The following PPP2R5E variants were observed in gnomAD, a reference collection of about 807,000 sequenced individuals.
The protein encoded by PPP2R5E is protein phosphatase 2 regulatory subunit B'epsilon.
Under a neutral mutation model 65.3 loss-of-function variants are expected in PPP2R5E, and 4 were observed. The ratio of observed to expected loss-of-function variants is 0.06; its 90% confidence interval spans 0.03 to 0.14. The LOEUF is 0.14. PPP2R5E is among the 10% of genes least tolerant of loss of function. The pLI is 1.00. For synonymous variants in PPP2R5E, 183 were observed against 187.4 expected (o/e 0.98, Z 0.19); for missense variants, 274 against 556.1 (o/e 0.49, Z 5.10).
chr14:63,542,257 A>G (rs144225825), intron 1 of PPP2R5E, among the ~76,000 whole-genome samples: 72 of 152,328 alleles, frequency 4.7e-4, no homozygotes, highest in Non-Finnish European at 8.5e-4. Context: ...TGCAAAGCCC[A>G]GGGAAACAGG....
intron 3 of PPP2R5E, among the ~76,000 whole-genome samples, chr14:63,435,345 G>C (rs2139413040): frequency 1.3e-5 from 2 of 152,086 alleles, no homozygotes; most frequent in South Asian, 4.2e-4. Flanking sequence ...CGAAACTATG[G>C]GTGATTCTTT....
intron 2 of PPP2R5E, among the ~76,000 whole-genome samples, chr14:63,482,474 C>CA (rs895861399): frequency 1.5e-3 from 221 of 151,534 alleles, no homozygotes; most frequent in Non-Finnish European, 2.6e-3. Context: ...ACAACAACAA[C>CA]AAAAAAAAAC....
At chr14:63,445,194 A>G (rs1021955390) in intron 3 of PPP2R5E, among the ~76,000 whole-genome samples, 26 of 152,124 alleles carry the variant, frequency 1.7e-4, no homozygotes, top group African/African-American at 6.3e-4. Context: ...TTTATGGGCT[A>G]TTTTGCTTTA....
intron 3 of PPP2R5E, among the ~76,000 whole-genome samples, chr14:63,445,245 A>G (rs1483866736): frequency 1.3e-5 from 2 of 152,218 alleles, no homozygotes; most frequent in Non-Finnish European, 2.9e-5. Context: ...GTTCCAGGCC[A>G]TCACAATAAA....
rs35190574 is a variant in PPP2R5E, at chr14:63,470,723, T to TA, written c.158-16839dup. On this transcript the variant is annotated intron_variant, in intron 2 of 13. Coordinates refer to ENST00000337537, the MANE Select transcript of PPP2R5E (RefSeq NM_006246.5). ...TAAAAACAAGCCTTTATCAACAGAT[T>TA]AAAAAAAAAAAAAAACGTGGCTGAG... is the stretch of plus-strand genomic sequence containing the variant. 1.9e-3 allele frequency among the ~76,000 whole-genome samples: 236 copies of TA among 124,456 alleles called. 1 individual carries two copies. Among genetic ancestry groups the TA allele is most frequent in the South Asian group, 5.7e-3 (22 of 3,828 alleles). The allele number at this position is 124,456 out of a possible 152,430, so 81.6% of individuals were successfully genotyped here.
chr14:63,382,180 AGT>A, intron 12 of PPP2R5E, 23 bp from the exon 13 acceptor site: 1 of 1,580,674 alleles, frequency 6.3e-7, no homozygotes, highest in Non-Finnish European at 8.7e-7. Flanking sequence ...GAAAAAAAGG[AGT>A]GTGTTAGTTA....
chr14:63,382,472 G>A (rs1243676406), intron 12 of PPP2R5E, among the ~76,000 whole-genome samples: 1 of 151,568 alleles, frequency 6.6e-6, no homozygotes, highest in African/African-American at 2.4e-5. Context: ...CACCATCTTG[G>A]CTCACCGCAA....
chr14:63,500,476 A>G (rs866045220), intron 2 of PPP2R5E, among the ~76,000 whole-genome samples: 39 of 152,360 alleles, frequency 2.6e-4, no homozygotes, highest in Middle Eastern at 6.8e-3. Context: ...ACAAAATAAT[A>G]AAACTGATAT....
At chr14:63,400,108 A>G (rs1885661473) in intron 5 of PPP2R5E, among the ~76,000 whole-genome samples, 1 of 152,200 alleles carries the variant, frequency 6.6e-6, no homozygotes, top group African/African-American at 2.4e-5. Context: ...CCATCCATCT[A>G]TCATTCATTC....
At position 63,375,083 on chromosome 14, in the gene PPP2R5E, T is replaced by C. The variant is rs1054869094; in HGVS notation, c.*926A>G. 3 of 152,584 alleles carry C rather than the reference T, an allele frequency of 2.0e-5. No homozygotes were observed. The highest frequency in any genetic ancestry group is 6.5e-5 in the Admixed American group (1 of 15,286). 9.5% of individuals were successfully genotyped at this position (152,584 alleles called of 1,614,324 possible). ...CTGTTTGCTCAACTCTTTTCCCAAT[T>C]AGATTTGCAATCCCGGTGATCAATT... On this transcript the variant is annotated 3_prime_UTR_variant, in exon 14 of 14. Coordinates refer to ENST00000337537, the MANE Select transcript of PPP2R5E (RefSeq NM_006246.5).
At chr14:63,444,590 A>C (rs964153446) in intron 3 of PPP2R5E, among the ~76,000 whole-genome samples, 1 of 151,892 alleles carries the variant, frequency 6.6e-6, no homozygotes, top group African/African-American at 2.4e-5. Flanking sequence ...AAGTATCCCC[A>C]AAAAAAACAT....
At chr14:63,522,893 C>G (rs1215203697) in intron 2 of PPP2R5E, among the ~76,000 whole-genome samples, 5 of 148,042 alleles carry the variant, frequency 3.4e-5, no homozygotes, top group South Asian at 2.1e-4. Context: ...CCAGCCGCCC[C>G]GTCCGGGAGG....
chr14:63,443,927 G>A (rs1336077438), intron 3 of PPP2R5E, among the ~76,000 whole-genome samples: 2 of 152,014 alleles, frequency 1.3e-5, no homozygotes, highest in South Asian at 2.1e-4. Flanking sequence ...CCTGCAGTTC[G>A]CTTAGGCCCT....
chr14:63,400,418 G>C (rs1206252854), intron 5 of PPP2R5E, among the ~76,000 whole-genome samples: 2 of 152,180 alleles, frequency 1.3e-5, no homozygotes, highest in Admixed American at 6.5e-5. Flanking sequence ...TGAGGAGTTA[G>C]AAGTGGGATA....
intron 2 of PPP2R5E, among the ~76,000 whole-genome samples, chr14:63,465,466 AAAAAAAACAACAACT>A (rs1339577857): frequency 2.1e-5 from 3 of 144,690 alleles, no homozygotes; most frequent in Non-Finnish European, 3.0e-5. Context: ...AAAAAAAAAA[AAAAAAAACAACAACT>A]AACAAAAGAT....
At chr14:63,443,026 T>C (rs1234276980) in intron 3 of PPP2R5E, among the ~76,000 whole-genome samples, 2 of 152,182 alleles carry the variant, frequency 1.3e-5, no homozygotes, top group East Asian at 3.8e-4. Context: ...GAGATTTAAT[T>C]GCAACTTCAT....
intron 3 of PPP2R5E, chr14:63,452,234 G>T (rs182320250): frequency 6.6e-6 from 1 of 152,186 alleles, no homozygotes; most frequent in African/African-American, 2.4e-5. Context: ...ATACAGGTAG[G>T]CTAAAACCAG....
chr14:63,384,644 A>T, intron 11 of PPP2R5E, 73 bp from the exon 12 acceptor site: 1 of 1,303,440 alleles, frequency 7.7e-7, no homozygotes, highest in Non-Finnish European at 1.1e-6. Context: ...AAATCTTTCC[A>T]AACAAAAGTA....
chr14:63,395,332 A>G, intron 6 of PPP2R5E, 47 bp from the exon 7 acceptor site: 1 of 1,274,052 alleles, frequency 7.8e-7, no homozygotes, highest in Admixed American at 1.9e-5. Context: ...GAGGAGGAGG[A>G]GAAGGAAGGG....
Sources: allele counts gnomAD v4.1 joint callset (sites outside exome capture counted in the v4.1 genomes callset), GRCh38; gene constraint gnomAD v4.1.1; transcripts MANE v1.5; gene names NCBI Gene and HGNC (gene_info 2026-07-23, HGNC 2026-07-21).